The following SLC51A variants were observed in gnomAD, a reference collection of about 807,000 sequenced individuals.
SLC51A encodes solute carrier family 51 member A, also known as organic solute transporter subunit alpha.
In SLC51A, 22 loss-of-function variants were observed where a neutral mutation model predicts 34.8. That is an observed-to-expected ratio of 0.63 (90% CI 0.45 to 0.90). The LOEUF (loss-of-function observed/expected upper bound fraction) is 0.90. Ranked by LOEUF, SLC51A falls within the 40% of genes least tolerant of loss-of-function variation. The probability of loss-of-function intolerance (pLI) is 0.00; values close to 1 mark genes in which losing one functional copy is unlikely to be tolerated. For synonymous variants in SLC51A, 181 were observed against 176.3 expected (o/e 1.03, Z -0.21); for missense variants, 371 against 414.8 (o/e 0.89, Z 0.92).
intron 7 of SLC51A, among the ~76,000 whole-genome samples, chr3:196,231,897 T>C (rs1372483128): frequency 7.3e-6 from 1 of 136,092 alleles, no homozygotes; most frequent in African/African-American, 2.6e-5. Context: ...TCAGGTTCTG[T>C]GGCATTAAGT....
At chr3:196,224,865 C>T (rs1358192292) in intron 2 of SLC51A, among the ~76,000 whole-genome samples, 1 of 149,548 alleles carries the variant, frequency 6.7e-6, no homozygotes, top group Non-Finnish European at 1.5e-5. Context: ...AACTAGCCTC[C>T]AAAACTATGA....
intron 3 of SLC51A, chr3:196,227,445 A>G (rs1723925978): frequency 3.4e-6 from 2 of 595,822 alleles, no homozygotes; most frequent in Non-Finnish European, 6.0e-6. Context: ...CTCATTCCAC[A>G]GGGTCACACT....
In SLC51A at chr3:196,217,974, G is replaced by A. The variant is rs779055402; in HGVS notation, c.133+38G>A. On this transcript the variant is annotated intron_variant, in intron 2 of 8. Transcript: ENST00000296327. ...CCTCCTCAGAGGGAACTGAGAGGAG[G>A]GAAACCAGGATAGCTGAGTGGAGCT... 5.6e-5 allele frequency: 88 copies of A among 1,576,602 alleles called. 1 individual carries two copies. The highest frequency in any genetic ancestry group is 7.4e-5 in the Non-Finnish European group (85 of 1,156,352).
chr3:196,218,954 G>A (rs756765322), intron 2 of SLC51A, among the ~76,000 whole-genome samples: 2 of 152,184 alleles, frequency 1.3e-5, no homozygotes, highest in Non-Finnish European at 2.9e-5. Flanking sequence ...GGCTGGGAGC[G>A]GTGGCTCACG....
At chr3:196,219,240 GA>G (rs71161914) in intron 2 of SLC51A, among the ~76,000 whole-genome samples, 7 of 151,416 alleles carry the variant, frequency 4.6e-5, no homozygotes, top group African/African-American at 7.3e-5. Context: ...AAAAATAAAA[GA>G]AAAAAAAGGA....
chr3:196,233,408 AGAT>A lies in SLC51A; in HGVS notation c.*214_*216del, dbSNP rs1724074472. ...GGTGTTTTAAGTTTTGTAATAAACA[AGAT>A]GATGTCTGAAAATGTGTAACTGGGC... On this transcript the variant is annotated 3_prime_UTR_variant, in exon 9 of 9. Coordinates refer to ENST00000296327, the MANE Select transcript of SLC51A (RefSeq NM_152672.6). The A allele has an allele frequency of 1.8e-6, 1 of 557,954 alleles. No homozygotes were observed. The highest frequency in any genetic ancestry group is 2.2e-5 in the South Asian group (1 of 46,260). The allele number at this position is 557,954 out of a possible 1,614,324, so 34.6% of individuals were successfully genotyped here.
chr3:196,231,055 A>C (rs7638797), intron 7 of SLC51A, among the ~76,000 whole-genome samples: 51,401 of 151,958 alleles, frequency 0.34, 9,312 homozygotes, highest in East Asian at 0.75. Context: ...ACACCAGCAG[A>C]AGCATTAGCA....
At chr3:196,220,056 C>T (rs778460207) in intron 2 of SLC51A, among the ~76,000 whole-genome samples, 10 of 152,184 alleles carry the variant, frequency 6.6e-5, no homozygotes, top group Non-Finnish European at 1.0e-4. Flanking sequence ...AGTTCGGGGA[C>T]GCCCCAGGCC....
chr3:196,219,224 C>T (rs1444438929), intron 2 of SLC51A, among the ~76,000 whole-genome samples: 6 of 151,154 alleles, frequency 4.0e-5, no homozygotes, highest in East Asian at 3.9e-4. Flanking sequence ...AGTGAGACTC[C>T]GTCTCAAAAA....
Position 196,228,142 on chromosome 3 carries a change from G to T in SLC51A, c.390G>T (p.Leu130=). Residue 130 remains leucine, a synonymous_variant, in exon 5 of 9, where the codon CTG becomes CTT. Transcript: ENST00000296327. This position sits in a 1 kb window ranked among gnomAD's most constrained non-coding sequence, Gnocchi z 4.9. Reference sequence around the variant, plus strand: ...TTTATGCCGTGTGCTTTTACCTGCTGATGCTGGTCATGGTGGAAGGCTTTG... The same window carrying T: ...TTTATGCCGTGTGCTTTTACCTGCTTATGCTGGTCATGGTGGAAGGCTTTG... The part of the protein sequence containing the change: ...TSFYAVCFYL[L]MLVMVEGFGG... 6.2e-7 allele frequency: 1 copy of T among 1,614,114 alleles called. No homozygotes were observed. Among genetic ancestry groups the T allele is most frequent in the Non-Finnish European group, 8.5e-7 (1 of 1,179,996 alleles).
chr3:196,229,108 G>A (rs1028728656), intron 6 of SLC51A, among the ~76,000 whole-genome samples, 188 bp downstream of exon 6: 1 of 152,172 alleles, frequency 6.6e-6, no homozygotes, highest in Non-Finnish European at 1.5e-5. Context: ...TTTCATTACC[G>A]TTCCTGCCGT....
intron 1 of SLC51A, among the ~76,000 whole-genome samples, chr3:196,217,327 A>T (rs1407150838): frequency 6.6e-6 from 1 of 152,214 alleles, no homozygotes; most frequent in Non-Finnish European, 1.5e-5. Flanking sequence ...TGAGTCCTGG[A>T]GTTCGAGACC....
intron 2 of SLC51A, among the ~76,000 whole-genome samples, chr3:196,218,163 G>A (rs774092634): frequency 3.9e-5 from 6 of 152,204 alleles, no homozygotes; most frequent in Non-Finnish European, 7.3e-5. Context: ...CCGTCATGTT[G>A]GGCCTCCACA....
intron 6 of SLC51A, 52 bp from the exon 7 acceptor site, chr3:196,229,855 AAGAGAGAG>A (rs144375332): frequency 7.9e-6 from 11 of 1,394,410 alleles, no homozygotes; most frequent in African/African-American, 2.9e-5. Flanking sequence ...CATCTCTTGA[AAGAGAGAG>A]AGAGAGAGAG....
At chr3:196,219,188 T>C (rs1168073077) in intron 2 of SLC51A, among the ~76,000 whole-genome samples, 5 of 151,968 alleles carry the variant, frequency 3.3e-5, no homozygotes, top group African/African-American at 9.7e-5. Context: ...ATCACGCCAC[T>C]GCACTGCAGC....
At chr3:196,221,719 G>GTTT (rs547977757) in intron 2 of SLC51A, among the ~76,000 whole-genome samples, 4 of 142,268 alleles carry the variant, frequency 2.8e-5, no homozygotes, top group African/African-American at 7.7e-5. Context: ...TTGGTTTTTT[G>GTTT]TTTTTTTTTT....
rs747206107 is a variant in SLC51A at position 196,232,529 on chromosome 3, G to A, written c.886+5G>A. On this transcript the variant is annotated splice_donor_5th_base_variant and intron_variant, in intron 8 of 8. Transcript: ENST00000296327. ...CCTCTAAAACCAGGTCTCAAGGTGA[G>A]CACGTTAAGCCTCCTGTCCCATCGT... The A allele has an allele frequency of 9.9e-6, 16 of 1,608,544 alleles. No individual in the cohort carries two copies. In the Admixed American group the frequency reaches 2.2e-4, roughly 22 times the overall value.
In SLC51A at chr3:196,226,831, T is replaced by C. The variant is rs190851330; in HGVS notation, c.134-134T>C. The C allele has an allele frequency of 2.8e-3, 1,903 of 684,994 alleles. 7 individuals are homozygous for C. The highest frequency in any genetic ancestry group is 3.5e-3 in the Non-Finnish European group (1,478 of 423,176). The allele number at this position is 684,994 out of a possible 1,614,324, so 42.4% of individuals were successfully genotyped here. ...AGACTATTTCTTAGGTTGAATACTC[T>C]AGGTCTAAAAAATCCTCATTCCTGT... On this transcript the variant is annotated intron_variant, in intron 2 of 8. Coordinates refer to ENST00000296327, the MANE Select transcript of SLC51A (RefSeq NM_152672.6).
In SLC51A at chr3:196,216,636, C is replaced by T; in HGVS notation, c.-77C>T. The T allele has an allele frequency of 4.9e-6, 7 of 1,422,590 alleles. No individual in the cohort carries two copies. In the East Asian group the frequency reaches 1.7e-4, roughly 35 times the overall value. 88.1% of individuals were successfully genotyped at this position (1,422,590 alleles called of 1,614,324 possible). A position where few individuals can be genotyped will look rare whatever the true frequency, so the allele number is the denominator to read the frequency against. ...ACCCCGGCCCAGGCAAGCCACCCTGCCCCCGGCCCCCACCTGCCCGCCCCG... is the reference window on the plus strand; with the variant it reads ...ACCCCGGCCCAGGCAAGCCACCCTGTCCCCGGCCCCCACCTGCCCGCCCCG... On this transcript the variant is annotated 5_prime_UTR_variant, in exon 1 of 9. Transcript: ENST00000296327. The surrounding 1 kb of genome is among the most constrained non-coding windows in gnomAD (Gnocchi z 4.5).
Sources: allele counts gnomAD v4.1 joint callset (sites outside exome capture counted in the v4.1 genomes callset), GRCh38; gene constraint gnomAD v4.1.1; non-coding constraint Gnocchi (gnomAD v3.1); transcripts MANE v1.5; gene names NCBI Gene and HGNC (gene_info 2026-07-23, HGNC 2026-07-21).